Variants in DMD observed in about 807,000 individuals in gnomAD.
The protein encoded by DMD is dystrophin.
In DMD, 63 loss-of-function variants were observed where a neutral mutation model predicts 330.1. The ratio of observed to expected loss-of-function variants is 0.19; its 90% CI spans 0.16 to 0.24. The LOEUF (loss-of-function observed/expected upper bound fraction) is 0.24, where lower values mean the gene tolerates loss of function less well. DMD is among the 10% of genes least tolerant of loss of function. The pLI is 1.00. For synonymous variants in DMD, 1,223 were observed against 959.8 expected (o/e 1.27, Z -5.07); for missense variants, 3,344 against 2,684.1 (o/e 1.25, Z -5.43).
At chrX:32,851,463 A>T (rs2081129671) in intron 2 of DMD, among the ~76,000 whole-genome samples, 1 of 112,517 alleles carries the variant, frequency 8.9e-6, no homozygotes, top group South Asian at 3.7e-4. Flanking sequence ...TAGCTTTACT[A>T]GGAGGGAGGC....
intron 55 of DMD, among the ~76,000 whole-genome samples, chrX:31,560,028 G>C (rs947152067): frequency 8.9e-6 from 1 of 111,966 alleles, no homozygotes; most frequent in Non-Finnish European, 1.9e-5. Flanking sequence ...CTGGCCACCT[G>C]CTTAGCTCCT....
intron 7 of DMD, among the ~76,000 whole-genome samples, chrX:32,778,471 C>T (rs1270130269): frequency 1.8e-5 from 2 of 111,367 alleles, no homozygotes; most frequent in Non-Finnish European, 3.8e-5. Context: ...TATTCAATTA[C>T]TGTTGTAACA....
At chrX:31,372,164 C>T (rs758761683) in intron 60 of DMD, among the ~76,000 whole-genome samples, 2 of 111,606 alleles carry the variant, frequency 1.8e-5, no homozygotes, top group East Asian at 5.6e-4. Context: ...CTTAGACTAC[C>T]TGATGTCTGG....
intron 49 of DMD, among the ~76,000 whole-genome samples, chrX:31,823,359 T>A (rs752888606): frequency 8.9e-6 from 1 of 112,276 alleles, no homozygotes; most frequent in Admixed American, 9.4e-5. Flanking sequence ...TTTCTTTATA[T>A]CCAGTCTAGT....
In DMD at chrX:32,633,708, G is replaced by T. The variant is rs2058899886; in HGVS notation, c.1331+10424C>A. On this transcript the variant is annotated intron_variant, in intron 11 of 78. Transcript: ENST00000357033. The stretch of plus-strand genomic sequence containing the variant: ...CTACAGGCTGTACAGGAAATATGAT[G>T]CTGGCATCTGCTCAGCTGCTGGGGA... 2.7e-5 allele frequency among the ~76,000 whole-genome samples: 3 copies of T among 111,896 alleles called. 1 individual carries two copies. In the South Asian group the frequency reaches 1.1e-3, roughly 42 times the overall value.
At chrX:31,266,820 G>T (rs144078345) in intron 62 of DMD, 1 of 1,207,227 alleles carries the variant, frequency 8.3e-7, no homozygotes, top group South Asian at 1.8e-5. Context: ...CCTTTGAGCT[G>T]TTCCCTCATG....
chrX:32,035,113 A>G (rs1049409826), intron 44 of DMD, among the ~76,000 whole-genome samples: 5 of 111,882 alleles, frequency 4.5e-5, no homozygotes, highest in Non-Finnish European at 9.4e-5. Flanking sequence ...AGGGAGTTTA[A>G]GAAGCACTTC....
intron 9 of DMD, among the ~76,000 whole-genome samples, chrX:32,682,272 G>T (rs1602947306): frequency 9.0e-6 from 1 of 111,342 alleles, no homozygotes; most frequent in Non-Finnish European, 1.9e-5. Context: ...AAGACCCATC[G>T]ATTAGAATTA....
At chrX:31,193,839 C>T (rs1308763482) in intron 67 of DMD, among the ~76,000 whole-genome samples, 1 of 111,019 alleles carries the variant, frequency 9.0e-6, no homozygotes, top group Non-Finnish European at 1.9e-5. Flanking sequence ...ATCAGAAAAG[C>T]CCAGAGTATG....
intron 2 of DMD, among the ~76,000 whole-genome samples, chrX:32,887,490 C>T (rs2084719196): frequency 9.1e-6 from 1 of 109,527 alleles, no homozygotes; most frequent in African/African-American, 3.3e-5. Context: ...TGGCTCATGC[C>T]TGTAATCCCA....
chrX:32,658,883 A>G (rs2060766502), intron 9 of DMD, among the ~76,000 whole-genome samples: 1 of 112,131 alleles, frequency 8.9e-6, no homozygotes, highest in African/African-American at 3.2e-5. Context: ...ATTTATAGGT[A>G]GTGTGTACTT....
chrX:31,324,162 C>T (rs1025019921), intron 61 of DMD, among the ~76,000 whole-genome samples: 137 of 111,236 alleles, frequency 1.2e-3, no homozygotes, highest in African/African-American at 4.2e-3. Context: ...AAAGAGAATC[C>T]AAATTCACTT....
chrX:31,584,452 C>G (rs916215026), intron 55 of DMD, among the ~76,000 whole-genome samples: 6 of 111,465 alleles, frequency 5.4e-5, no homozygotes, highest in African/African-American at 2.0e-4. Flanking sequence ...CCCAGCAATC[C>G]CATTATTGGT....
chrX:32,411,058 T>C (rs1184602558), intron 30 of DMD, among the ~76,000 whole-genome samples: 1 of 112,178 alleles, frequency 8.9e-6, no homozygotes, highest in East Asian at 2.8e-4. Context: ...TAAAACAATA[T>C]AGACCATGTG....
chrX:32,820,805 A>C (rs1175387595), intron 5 of DMD, among the ~76,000 whole-genome samples: 1 of 112,234 alleles, frequency 8.9e-6, no homozygotes, highest in Non-Finnish European at 1.9e-5. Flanking sequence ...GCGATTTTAC[A>C]GAGTACCATT....
intron 63 of DMD, among the ~76,000 whole-genome samples, chrX:31,223,541 A>G (rs1280029604): frequency 8.9e-6 from 1 of 112,860 alleles, no homozygotes; most frequent in Non-Finnish European, 1.9e-5. Flanking sequence ...TGGCAATATA[A>G]CATTTTTTCT....
chrX:32,594,741 C>T (rs1265223345), intron 13 of DMD, among the ~76,000 whole-genome samples: 1 of 111,630 alleles, frequency 9.0e-6, no homozygotes, highest in Non-Finnish European at 1.9e-5. Flanking sequence ...TCGTCCTCTT[C>T]TTCTTGCTTT....
intron 7 of DMD, among the ~76,000 whole-genome samples, chrX:32,792,412 A>C (rs2075886088): frequency 8.9e-6 from 1 of 112,250 alleles, no homozygotes; most frequent in Non-Finnish European, 1.9e-5. Flanking sequence ...AATGAAGAAA[A>C]AATATTCAAA....
chrX:33,176,434 A>C (rs2049653324), intron 1 of DMD, among the ~76,000 whole-genome samples: 1 of 110,490 alleles, frequency 9.1e-6, no homozygotes, highest in African/African-American at 3.3e-5. Context: ...AAAAAAAAAA[A>C]ACCAGGTATA....
Sources: gnomAD v4.1 joint callset for allele counts (sites outside exome capture counted in the v4.1 genomes callset) on GRCh38, gnomAD v4.1.1 for gene constraint, MANE v1.5 for transcripts, NCBI Gene and HGNC (gene_info 2026-07-23, HGNC 2026-07-21) for gene names.